The following MAN1A1 variants were observed in gnomAD, a reference collection of about 807,000 sequenced individuals.
MAN1A1 encodes the protein mannosyl-oligosaccharide 1,2-alpha-mannosidase IA.
Under a neutral mutation model 70.8 loss-of-function variants are expected in MAN1A1, and 29 were observed. The ratio of observed to expected loss-of-function variants is 0.41; its 90% CI spans 0.31 to 0.56. MAN1A1 has a LOEUF of 0.56. Among genes scored for constraint, MAN1A1 ranks in the 20% least tolerant of loss-of-function variants. The probability of loss-of-function intolerance (pLI) is 0.29; values close to 1 mark genes in which losing one functional copy is unlikely to be tolerated. For missense variants in MAN1A1, 747 were observed against 841.3 expected, an observed-to-expected ratio of 0.89 and a Z score of 1.39; for synonymous variants, 349 against 330.1, an observed-to-expected ratio of 1.06 and a Z score of -0.62.
intron 8 of MAN1A1, among the ~76,000 whole-genome samples, chr6:119,197,971 C>T (rs1270533472): frequency 6.6e-6 from 1 of 152,148 alleles, no homozygotes; most frequent in Admixed American, 6.6e-5. Context: ...CTTCTAAATC[C>T]TAAATCATAG....
At chr6:119,230,497 C>T (rs1317563785) in intron 6 of MAN1A1, among the ~76,000 whole-genome samples, 1 of 152,196 alleles carries the variant, frequency 6.6e-6, no homozygotes, top group African/African-American at 2.4e-5. Flanking sequence ...TTTTGACACT[C>T]CACATGCTCT....
intron 6 of MAN1A1, among the ~76,000 whole-genome samples, chr6:119,217,406 T>C: frequency 6.6e-6 from 1 of 152,084 alleles, no homozygotes; most frequent in East Asian, 1.9e-4. Flanking sequence ...CTCAGCCTCC[T>C]GAGTAGCTGA....
At chr6:119,290,937 C>T (rs775738860) in intron 4 of MAN1A1, among the ~76,000 whole-genome samples, 174 bp from the exon 5 acceptor site, 4 of 151,938 alleles carry the variant, frequency 2.6e-5, no homozygotes, top group Non-Finnish European at 5.9e-5. Flanking sequence ...TATCACTGTG[C>T]ATTATACGTA....
chr6:119,279,482 C>G (rs1346765882), intron 5 of MAN1A1, among the ~76,000 whole-genome samples: 2 of 152,196 alleles, frequency 1.3e-5, no homozygotes. Flanking sequence ...AGGATTGAGG[C>G]TACCATAAAT....
intron 4 of MAN1A1, among the ~76,000 whole-genome samples, chr6:119,293,232 A>G (rs79385407): frequency 0.012 from 1,791 of 152,224 alleles, 17 homozygotes; most frequent in Non-Finnish European, 0.018. Flanking sequence ...CATGTCAAAC[A>G]CTGCCAGAAA....
intron 12 of MAN1A1, 48 bp downstream of exon 12, chr6:119,180,264 T>C: frequency 1.6e-6 from 2 of 1,256,556 alleles, no homozygotes; most frequent in South Asian, 2.5e-5. Flanking sequence ...TCTACAAAGA[T>C]CTGTTCAGGT....
At chr6:119,337,535 T>C (rs1436593307) in intron 2 of MAN1A1, among the ~76,000 whole-genome samples, 1 of 152,172 alleles carries the variant, frequency 6.6e-6, no homozygotes, top group Non-Finnish European at 1.5e-5. Flanking sequence ...GCCCTCAATA[T>C]GATAGTTCTG....
intron 6 of MAN1A1, among the ~76,000 whole-genome samples, chr6:119,242,862 C>T: frequency 6.6e-6 from 1 of 152,012 alleles, no homozygotes; most frequent in South Asian, 2.1e-4. Context: ...CTACATACCA[C>T]TATTAAAATC....
chr6:119,234,816 T>A (rs753928807), intron 6 of MAN1A1, among the ~76,000 whole-genome samples: 37 of 152,288 alleles, frequency 2.4e-4, no homozygotes, highest in Non-Finnish European at 4.3e-4. Flanking sequence ...GATACTGTGT[T>A]TTTTACACAT....
chr6:119,256,385 T>G (rs1356824326), intron 5 of MAN1A1, among the ~76,000 whole-genome samples: 1 of 150,586 alleles, frequency 6.6e-6, no homozygotes, highest in African/African-American at 2.4e-5. Flanking sequence ...TAAATGTTGA[T>G]AAATGAATGA....
intron 2 of MAN1A1, among the ~76,000 whole-genome samples, chr6:119,314,174 C>G (rs1350197149): frequency 2.0e-5 from 3 of 152,230 alleles, no homozygotes; most frequent in African/African-American, 7.2e-5. Flanking sequence ...TCAGGGCCAG[C>G]TTCCCGGACT....
In MAN1A1 at chr6:119,347,358, G is replaced by T. The variant is rs527449223; in HGVS notation, c.603+1105C>A. Among the ~76,000 whole-genome samples, 3 of 152,228 alleles carry T rather than the reference G, an allele frequency of 2.0e-5. No individual in the cohort carries two copies. In the South Asian group the frequency reaches 6.2e-4, roughly 32 times the overall value. On this transcript the variant is annotated intron_variant, in intron 2 of 12. Coordinates refer to ENST00000368468, the MANE Select transcript of MAN1A1 (RefSeq NM_005907.4). ...CCTCTCCTGATTACCTACCCAATAT[G>T]AAAATACAATATTTATTTTCACAGA...
intron 6 of MAN1A1, among the ~76,000 whole-genome samples, chr6:119,244,277 C>T (rs1249467929): frequency 6.6e-6 from 1 of 152,018 alleles, no homozygotes; most frequent in Non-Finnish European, 1.5e-5. Context: ...AGACACCAAA[C>T]TTTGACATTT....
At chr6:119,302,538 C>T (rs752242067) in intron 3 of MAN1A1, among the ~76,000 whole-genome samples, 7 of 151,974 alleles carry the variant, frequency 4.6e-5, no homozygotes, top group Admixed American at 1.3e-4. Context: ...CATGCCACCA[C>T]GCCTGGCTAA....
intron 11 of MAN1A1, among the ~76,000 whole-genome samples, chr6:119,187,732 C>G (rs1246826180): frequency 2.6e-5 from 4 of 152,198 alleles, no homozygotes; most frequent in Non-Finnish European, 5.9e-5. Context: ...ATAACTCTTA[C>G]AATTAGACAG....
chr6:119,275,981 C>T (rs1191931578), intron 5 of MAN1A1, among the ~76,000 whole-genome samples: 1 of 152,144 alleles, frequency 6.6e-6, no homozygotes, highest in Non-Finnish European at 1.5e-5. Context: ...CGTAATTACC[C>T]CAGTACTGAT....
intron 6 of MAN1A1, among the ~76,000 whole-genome samples, chr6:119,226,578 T>C (rs1251767608): frequency 6.6e-6 from 1 of 152,202 alleles, no homozygotes; most frequent in East Asian, 1.9e-4. Flanking sequence ...AAAAAGACAG[T>C]AGGGAATAAA....
chr6:119,302,970 A>T (rs6923181), intron 3 of MAN1A1, among the ~76,000 whole-genome samples: 57,437 of 151,888 alleles, frequency 0.38, 11,341 homozygotes, highest in Non-Finnish European at 0.41. Flanking sequence ...CTGGCATTCA[A>T]CACCTTCTAT....
At position 119,348,758 on chromosome 6, in the gene MAN1A1, C is replaced by G. The variant is rs1268133792; in HGVS notation, c.308G>C (p.Arg103Pro). 4 of 1,545,106 alleles carry G rather than the reference C, an allele frequency of 2.6e-6. No individual in the cohort carries two copies. In the African/African-American group the frequency reaches 5.7e-5, roughly 22 times the overall value. Residue 103 changes from arginine to proline, a missense_variant, in exon 2 of 13, where the codon CGG (arginine) becomes CCG (proline). Physicochemically the swap from Arg to Pro is moderately radical, Grantham distance 103. Transcript: ENST00000368468. ...RAEDAAEGRARRREEGAPGDP... is the reference protein window; with the variant it reads ...RAEDAAEGRAPRREEGAPGDP... ...CCCGGGTGCCCCCTCCTCGCGGCGC[C>G]GGGCTCGCCCCTCGGCCGCGTCCTC... is the stretch of plus-strand genomic sequence containing the variant.
Sources: allele counts gnomAD v4.1 joint callset (sites outside exome capture counted in the v4.1 genomes callset), GRCh38; gene constraint gnomAD v4.1.1; transcripts MANE v1.5; gene names NCBI Gene and HGNC (gene_info 2026-07-23, HGNC 2026-07-21).